Variants in NRG1 observed in about 807,000 individuals in gnomAD.
The protein encoded by NRG1 is pro-neuregulin-1, membrane-bound isoform.
In NRG1, 18 loss-of-function variants were observed where a neutral mutation model predicts 63.8. The observed-to-expected ratio is 0.28, with a 90% CI of 0.19 to 0.42. NRG1 has a LOEUF of 0.42. Among genes scored for constraint, NRG1 ranks in the 10% least tolerant of loss-of-function variants. The probability of loss-of-function intolerance (pLI) is 1.00; values close to 1 mark genes in which losing one functional copy is unlikely to be tolerated. For missense variants in NRG1, 762 were observed against 814.7 expected, an observed-to-expected ratio of 0.94 and a Z score of 0.79; for synonymous variants, 302 against 301.3, an observed-to-expected ratio of 1.00 and a Z score of -0.02.
intron 1 of NRG1, among the ~76,000 whole-genome samples, chr8:31,832,252 T>C (rs1480388050): frequency 6.7e-6 from 1 of 149,858 alleles, no homozygotes; most frequent in South Asian, 2.1e-4. Flanking sequence ...TGCTCTAGTT[T>C]TTTTTTTTTT....
chr8:32,626,865 A>G (rs1849389651), intron 5 of NRG1, among the ~76,000 whole-genome samples: 1 of 151,666 alleles, frequency 6.6e-6, no homozygotes, highest in Non-Finnish European at 1.5e-5. Context: ...TACTAAAAAT[A>G]CAAAAATTAG....
At chr8:31,999,143 C>A (rs1812515590) in intron 1 of NRG1, among the ~76,000 whole-genome samples, 1 of 151,466 alleles carries the variant, frequency 6.6e-6, no homozygotes, top group Non-Finnish European at 1.5e-5. Flanking sequence ...AAGTATTTTC[C>A]AATGGAAATT....
intron 1 of NRG1, among the ~76,000 whole-genome samples, chr8:31,856,803 C>G (rs1283282142): frequency 5.3e-5 from 8 of 152,098 alleles, no homozygotes; most frequent in Non-Finnish European, 1.5e-5. Context: ...TGTGGATGTC[C>G]TTTCTGTTTG....
chr8:32,276,217 C>T (rs1852083582), intron 1 of NRG1, among the ~76,000 whole-genome samples: 2 of 152,270 alleles, frequency 1.3e-5, no homozygotes, highest in South Asian at 2.1e-4. Flanking sequence ...CCCTCCCTGC[C>T]TCTAATGACT....
At chr8:31,724,144 T>A (rs1007593452) in intron 1 of NRG1, among the ~76,000 whole-genome samples, 1 of 152,096 alleles carries the variant, frequency 6.6e-6, no homozygotes, top group Non-Finnish European at 1.5e-5. Context: ...ACCAGTTTCA[T>A]ATATTAGAAG....
At chr8:32,647,569 T>C (rs1349779788) in intron 5 of NRG1, 11 of 1,377,110 alleles carry the variant, frequency 8.0e-6, no homozygotes, top group Non-Finnish European at 1.0e-5. Context: ...CCCTTGCATC[T>C]TTCTGAACTC....
chr8:32,040,038 AAAAC>A (rs1186995885), intron 1 of NRG1, among the ~76,000 whole-genome samples: 1 of 152,106 alleles, frequency 6.6e-6, no homozygotes, highest in African/African-American at 2.4e-5. Flanking sequence ...AGAAAACAAC[AAAAC>A]AAACAGACAA....
At chr8:32,653,701 T>A (rs1020230501) in intron 5 of NRG1, among the ~76,000 whole-genome samples, 1 of 152,238 alleles carries the variant, frequency 6.6e-6, no homozygotes, top group Non-Finnish European at 1.5e-5. Context: ...TGTTTCTATA[T>A]TTTGCTCATA....
At chr8:32,559,084 A>G (rs1226525722) in intron 1 of NRG1, among the ~76,000 whole-genome samples, 467 of 7,538 alleles carry the variant, frequency 0.062, 3 homozygotes, top group African/African-American at 0.068. Flanking sequence ...TGTCTCAGCG[A>G]AAAAAAAAAA....
chr8:32,061,061 T>C (rs1823770467), intron 1 of NRG1, among the ~76,000 whole-genome samples: 1 of 151,974 alleles, frequency 6.6e-6, no homozygotes, highest in South Asian at 2.1e-4. Flanking sequence ...TATACTATAC[T>C]TATGCTTTCA....
At chr8:32,218,238 T>G (rs1423207573) in intron 1 of NRG1, among the ~76,000 whole-genome samples, 1 of 152,244 alleles carries the variant, frequency 6.6e-6, no homozygotes, top group African/African-American at 2.4e-5. Flanking sequence ...CCTACTCTTG[T>G]GCCAATCTCC....
intron 1 of NRG1, among the ~76,000 whole-genome samples, chr8:32,012,726 A>G (rs1814947624): frequency 6.6e-6 from 1 of 152,148 alleles, no homozygotes; most frequent in African/African-American, 2.4e-5. Context: ...AGAGTTGTTA[A>G]CAGGATTAAA....
At chr8:31,756,267 C>T (rs1417152826) in intron 1 of NRG1, among the ~76,000 whole-genome samples, 2 of 152,140 alleles carry the variant, frequency 1.3e-5, no homozygotes, top group Admixed American at 6.6e-5. Flanking sequence ...TGATAACACA[C>T]TCATAACATC....
At chr8:32,325,848 C>A (rs1278734201) in intron 1 of NRG1, among the ~76,000 whole-genome samples, 1 of 152,142 alleles carries the variant, frequency 6.6e-6, no homozygotes, top group African/African-American at 2.4e-5. Flanking sequence ...ATGTCTATTT[C>A]CACAGGCTAT....
At chr8:32,411,005 A>G (rs1034578846) in intron 1 of NRG1, among the ~76,000 whole-genome samples, 9 of 151,742 alleles carry the variant, frequency 5.9e-5, no homozygotes, top group African/African-American at 1.9e-4. Context: ...CCTCCCAAGC[A>G]GCTAGGACTA....
At chr8:32,297,247 C>A (rs991813679) in intron 1 of NRG1, among the ~76,000 whole-genome samples, 1 of 152,058 alleles carries the variant, frequency 6.6e-6, no homozygotes. Flanking sequence ...AAGGCAAGTT[C>A]ATAGTGATCT....
chr8:31,809,740 TG>T lies in NRG1; in HGVS notation c.37+170310del, dbSNP rs1156326078. On this transcript the variant is annotated intron_variant, in intron 1 of 10. Coordinates refer to the NRG1 transcript ENST00000519301. ...ATTTTTTTCTACTCCTTCTATTAAT[TG>T]TTTTTTTTTTTTTTTTTTTTTGAGA... is the stretch of plus-strand genomic sequence containing the variant. Among the ~76,000 whole-genome samples, 365 of 117,692 alleles carry T rather than the reference TG, an allele frequency of 3.1e-3. 5 individuals are homozygous for T. Among genetic ancestry groups the T allele is most frequent in the African/African-American group, 9.8e-3 (305 of 31,178 alleles). The allele number at this position is 117,692 out of a possible 152,430, so 77.2% of individuals were successfully genotyped here.
chr8:32,212,289 C>T (rs2035633), intron 1 of NRG1, among the ~76,000 whole-genome samples: 121,858 of 152,054 alleles, frequency 0.8, 49,562 homozygotes, highest in African/African-American at 0.92. Flanking sequence ...CTTAAAATAG[C>T]GTCAGGCAAT....
intron 1 of NRG1, among the ~76,000 whole-genome samples, chr8:32,446,484 G>T (rs1820258398): frequency 6.6e-6 from 1 of 152,030 alleles, no homozygotes; most frequent in Non-Finnish European, 1.5e-5. Context: ...GTGAAACCCT[G>T]TCTCTACAAA....
Sources: gnomAD v4.1 joint callset for allele counts (sites outside exome capture counted in the v4.1 genomes callset) on GRCh38, gnomAD v4.1.1 for gene constraint, MANE v1.5 for transcripts, NCBI Gene and HGNC (gene_info 2026-07-23, HGNC 2026-07-21) for gene names.